Variants in SLC22A5 observed in about 807,000 individuals in gnomAD.
SLC22A5 encodes the protein organic cation/carnitine transporter 2.
A neutral mutation model predicts 56.7 loss-of-function variants in SLC22A5; 44 were observed. That is an observed-to-expected ratio of 0.78 (90% CI 0.61 to 1.00). SLC22A5 has a LOEUF of 1.00. Ranked by LOEUF, SLC22A5 falls within the 50% of genes least tolerant of loss-of-function variation. The pLI is 0.00. For synonymous variants in SLC22A5, 278 were observed against 292.1 expected (o/e 0.95, Z 0.49); for missense variants, 675 against 723.0 (o/e 0.93, Z 0.76).
intron 2 of SLC22A5, chr5:132,383,312 T>C (rs573046327): frequency 3.1e-4 from 47 of 152,330 alleles, no homozygotes; most frequent in Admixed American, 1.2e-3. Context: ...TGTCTTTTAG[T>C]CTACTTAATC....
At position 132,370,119 on chromosome 5, in the gene SLC22A5, CT is replaced by C. The variant is rs386134227; in HGVS notation, c.148del (p.Cys50AlafsTer9). On this transcript the variant is annotated frameshift_variant, in exon 1 of 10. Transcript: ENST00000245407. LOFTEE classifies it high-confidence loss of function. ...TCCTGATAGCGACCCCGGAGCACCG[CT>C]GCCGGGTGCCGGACGCCGCGAACCT... Reference protein sequence around the residue: ...VFLIATPEHRCRVPDAANLSS... With the variant: ...VFLIATPEHRXRVPDAANLSS... 3 of 1,611,332 alleles carry C rather than the reference CT, an allele frequency of 1.9e-6. No homozygotes were observed. Among genetic ancestry groups the C allele is most frequent in the Non-Finnish European group, 2.5e-6 (3 of 1,179,138 alleles).
At chr5:132,382,854 A>G (rs978157154) in intron 2 of SLC22A5, 3 of 152,232 alleles carry the variant, frequency 2.0e-5, no homozygotes, top group African/African-American at 4.8e-5. Context: ...AGTGCCCTCT[A>G]TAATAGATGC....
chr5:132,391,594 T>C (rs2126790554), intron 7 of SLC22A5, among the ~76,000 whole-genome samples: 1 of 152,274 alleles, frequency 6.6e-6, no homozygotes, highest in Non-Finnish European at 1.5e-5. Context: ...GGGATGAGCC[T>C]GGCATGTTTG....
At chr5:132,384,676 G>A (rs1752463002) in intron 3 of SLC22A5, among the ~76,000 whole-genome samples, 1 of 152,238 alleles carries the variant, frequency 6.6e-6, no homozygotes, top group African/African-American at 2.4e-5. Flanking sequence ...GGTTGGAGGA[G>A]GAGGGGCTGT....
intron 2 of SLC22A5, chr5:132,380,333 A>T (rs990332855): frequency 6.6e-6 from 1 of 152,286 alleles, no homozygotes; most frequent in Non-Finnish European, 1.5e-5. Context: ...CAGATGAGCA[A>T]CCAGGGCTTA....
chr5:132,369,951 T>C lies in SLC22A5; in HGVS notation c.-22T>C, dbSNP rs770714592. 12 of 1,611,378 alleles carry C rather than the reference T, an allele frequency of 7.4e-6. No homozygotes were observed. Among genetic ancestry groups the C allele is most frequent in the Non-Finnish European group, 1.0e-5 (12 of 1,179,148 alleles). ...CGCGTTCCCCGACCCCAGGCCGCGC[T>C]CTGTGGGCCTCTGAGGGCGGCATGC... On this transcript the variant is annotated 5_prime_UTR_variant, in exon 1 of 10. Coordinates refer to ENST00000245407, the MANE Select transcript of SLC22A5 (RefSeq NM_003060.4).
chr5:132,372,561 T>C (rs895886473), intron 1 of SLC22A5, among the ~76,000 whole-genome samples: 9 of 152,246 alleles, frequency 5.9e-5, no homozygotes. Context: ...CTTATCTTGC[T>C]GCCAATGTCA....
In SLC22A5 at chr5:132,371,360, G is replaced by A. The variant is rs180819726; in HGVS notation, c.393+995G>A. ...TCAGGTATTATGAGGCAAGGCTGTC[G>A]GCCAGATTTAGTTAAAGCATACAGC... On this transcript the variant is annotated intron_variant, in intron 1 of 9. Transcript: ENST00000245407. Among the ~76,000 whole-genome samples the A allele has an allele frequency of 1.4e-4, 21 of 152,212 alleles. No individual in the cohort carries two copies. In the East Asian group the frequency reaches 2.3e-3, roughly 17 times the overall value.
Position 132,369,749 on chromosome 5 carries a change from C to T in SLC22A5, c.-224C>T. 1.4e-5 allele frequency: 7 copies of T among 500,104 alleles called. No individual in the cohort carries two copies. Among genetic ancestry groups the T allele is most frequent in the Non-Finnish European group, 2.3e-5 (7 of 301,844 alleles). The allele number at this position is 500,104 out of a possible 1,614,324, so 31.0% of individuals were successfully genotyped here. A position where few individuals can be genotyped will look rare whatever the true frequency, so the allele number is the denominator to read the frequency against. On this transcript the variant is annotated 5_prime_UTR_variant, in exon 1 of 10. Coordinates refer to ENST00000245407, the MANE Select transcript of SLC22A5 (RefSeq NM_003060.4). ...CGCTCTGCCTGCCAGCGGGGCGCGC[C>T]TTGCGGCCCAGGCCCGCAACCTTCC...
chr5:132,371,092 G>T (rs543202358), intron 1 of SLC22A5, among the ~76,000 whole-genome samples: 31 of 152,012 alleles, frequency 2.0e-4, no homozygotes, highest in Non-Finnish European at 3.8e-4. Flanking sequence ...TGATTCTCCT[G>T]CCTCAGTCTC....
chr5:132,374,528 C>G (rs536990566), intron 1 of SLC22A5, among the ~76,000 whole-genome samples: 17 of 152,290 alleles, frequency 1.1e-4, no homozygotes, highest in Admixed American at 3.3e-4. Context: ...CTCACTGTTA[C>G]GCCTTTGTTG....
chr5:132,394,956 A>G lies in SLC22A5; in HGVS notation c.*684A>G, dbSNP rs1260864070. ...AAGCACTGGGCTTGTCCAGGCTCAT[A>G]ATAAATGCTCCATTGAATCTACTAT... On this transcript the variant is annotated 3_prime_UTR_variant, in exon 10 of 10. Coordinates refer to ENST00000245407, the MANE Select transcript of SLC22A5 (RefSeq NM_003060.4). 1.3e-5 allele frequency: 2 copies of G among 152,540 alleles called. No homozygotes were observed. Among genetic ancestry groups the G allele is most frequent in the Non-Finnish European group, 2.9e-5 (2 of 68,240 alleles). 9.4% of individuals were successfully genotyped at this position (152,540 alleles called of 1,614,324 possible). A position where few individuals can be genotyped will look rare whatever the true frequency, so the allele number is the denominator to read the frequency against.
At chr5:132,370,396 C>A in intron 1 of SLC22A5, 31 bp downstream of exon 1, 1 of 1,608,342 alleles carries the variant, frequency 6.2e-7, no homozygotes, top group Non-Finnish European at 8.5e-7. Flanking sequence ...GGGCTGAGAC[C>A]AGGGCTCGGA....
rs550832951 is a variant in SLC22A5, at chr5:132,390,764, G to T, written c.1127G>T (p.Cys376Phe). 1 of 1,614,222 alleles carries T rather than the reference G, an allele frequency of 6.2e-7. No individual in the cohort carries two copies. Among genetic ancestry groups the T allele is most frequent in the South Asian group, 1.1e-5 (1 of 91,088 alleles). Residue 376 changes from cysteine (C) to phenylalanine (F), a missense_variant, in exon 7 of 10, where the codon TGC becomes TTC. Cys to Phe is a radical substitution (Grantham distance 205, BLOSUM62 -2). Coordinates refer to ENST00000245407, the MANE Select transcript of SLC22A5 (RefSeq NM_003060.4). ...TTGCATGGGGACATCTTTGTGAACT[G>T]CTTCCTTTCAGCGATGGTTGAAGTC... Reference protein sequence around the residue: ...PNLHGDIFVNCFLSAMVEVPA... With the variant: ...PNLHGDIFVNFFLSAMVEVPA...
chr5:132,378,744 T>C, intron 2 of SLC22A5: 1 of 479,022 alleles, frequency 2.1e-6, no homozygotes, highest in Admixed American at 3.3e-5. Flanking sequence ...TATGCCATGA[T>C]TCACTTCTGC....
intron 9 of SLC22A5, among the ~76,000 whole-genome samples, 176 bp from the exon 10 acceptor site, chr5:132,394,009 T>C (rs1002007773): frequency 1.3e-5 from 2 of 152,210 alleles, no homozygotes; most frequent in Non-Finnish European, 2.9e-5. Context: ...GACATGTCAC[T>C]ATACACATCT....
intron 5 of SLC22A5, among the ~76,000 whole-genome samples, chr5:132,388,668 G>A (rs1446345805): frequency 6.6e-6 from 1 of 152,124 alleles, no homozygotes; most frequent in Admixed American, 6.5e-5. Context: ...CTGGGCCTCT[G>A]TCTTCCTGTA....
At chr5:132,386,755 C>T (rs1445716209) in intron 4 of SLC22A5, among the ~76,000 whole-genome samples, 1 of 152,164 alleles carries the variant, frequency 6.6e-6, no homozygotes, top group African/African-American at 2.4e-5. Context: ...CAACACTGCT[C>T]TTCAGAAATG....
intron 5 of SLC22A5, 49 bp from the exon 6 acceptor site, chr5:132,388,872 G>A: frequency 8.4e-7 from 1 of 1,193,446 alleles, no homozygotes; most frequent in Non-Finnish European, 1.3e-6. Flanking sequence ...TGTGCTCTGA[G>A]TCTCTGACCA....
Sources: gnomAD v4.1 joint callset for allele counts (sites outside exome capture counted in the v4.1 genomes callset) on GRCh38, gnomAD v4.1.1 for gene constraint, MANE v1.5 for transcripts, NCBI Gene and HGNC (gene_info 2026-07-23, HGNC 2026-07-21) for gene names.